The following GRIK2 variants were observed in gnomAD, a reference collection of about 807,000 sequenced individuals.
The protein encoded by GRIK2 is glutamate ionotropic receptor kainate type subunit 2.
Under a neutral mutation model 100.3 loss-of-function variants are expected in GRIK2, and 32 were observed. That is an observed-to-expected ratio of 0.32 (90% confidence interval 0.24 to 0.43). The LOEUF (loss-of-function observed/expected upper bound fraction) is 0.43. Among genes scored for constraint, GRIK2 ranks in the 20% least tolerant of loss-of-function variants. The pLI, the probability that GRIK2 is intolerant of heterozygous loss-of-function variation, is 1.00. For synonymous variants in GRIK2, 417 were observed against 389.4 expected (o/e 1.07, Z -0.83); for missense variants, 843 against 1,114.9 (o/e 0.76, Z 3.47).
chr6:101,760,657 TTTAA>T (rs1358552500), intron 7 of GRIK2, among the ~76,000 whole-genome samples: 2 of 80,316 alleles, frequency 2.5e-5, no homozygotes, highest in Non-Finnish European at 4.1e-5. Flanking sequence ...TAATTATATG[TTTAA>T]TTATATATAA....
intron 2 of GRIK2, among the ~76,000 whole-genome samples, chr6:101,589,099 G>T (rs1018381629): frequency 1.3e-5 from 2 of 152,122 alleles, no homozygotes; most frequent in Non-Finnish European, 2.9e-5. Context: ...TTCTGGCTTG[G>T]ATAGTGGAGT....
chr6:101,804,408 G>T (rs1251498240), intron 9 of GRIK2, among the ~76,000 whole-genome samples: 2 of 151,938 alleles, frequency 1.3e-5, no homozygotes, highest in Non-Finnish European at 2.9e-5. Context: ...TGGGTTACTT[G>T]GGAAGATAAT....
intron 7 of GRIK2, among the ~76,000 whole-genome samples, chr6:101,760,427 TATTTAA>T (rs1200880033): frequency 1.2e-4 from 3 of 24,830 alleles, no homozygotes; most frequent in African/African-American, 2.3e-4. Context: ...TAATTAATTA[TATTTAA>T]TTATATATTT....
chr6:101,823,869 T>TG (rs58836505), intron 10 of GRIK2, among the ~76,000 whole-genome samples: 10,410 of 150,774 alleles, frequency 0.069, 925 homozygotes, highest in African/African-American at 0.21. Context: ...TCTGTTTTTT[T>TG]TTTTTTGTTT....
chr6:101,787,572 G>C (rs1366752101), intron 7 of GRIK2, among the ~76,000 whole-genome samples: 2 of 152,090 alleles, frequency 1.3e-5, no homozygotes, highest in African/African-American at 4.8e-5. Context: ...GGTCATTCAA[G>C]AGTATGCTGT....
At chr6:101,716,899 GC>G (rs910199819) in intron 7 of GRIK2, among the ~76,000 whole-genome samples, 1 of 151,732 alleles carries the variant, frequency 6.6e-6, no homozygotes, top group Non-Finnish European at 1.5e-5. Context: ...CTCTTCCAGT[GC>G]CCATTCCTCT....
chr6:101,938,362 C>G (rs1410500080), intron 14 of GRIK2, among the ~76,000 whole-genome samples: 2 of 152,022 alleles, frequency 1.3e-5, no homozygotes, highest in African/African-American at 2.4e-5. Context: ...TACATTCTTC[C>G]CCTTAACTCC....
At chr6:102,044,128 A>AG (rs1770750948) in intron 15 of GRIK2, among the ~76,000 whole-genome samples, 1 of 152,070 alleles carries the variant, frequency 6.6e-6, no homozygotes. Context: ...AAAAATGATA[A>AG]GGATACAAAA....
chr6:101,965,794 GAGGA>G (rs1562072104), intron 14 of GRIK2, among the ~76,000 whole-genome samples: 1 of 151,998 alleles, frequency 6.6e-6, no homozygotes, highest in Non-Finnish European at 1.5e-5. Context: ...TAGGAGGTAG[GAGGA>G]AGGAAGGAAG....
At chr6:101,431,725 T>TA (rs1369417370) in intron 2 of GRIK2, among the ~76,000 whole-genome samples, 2 of 152,246 alleles carry the variant, frequency 1.3e-5, no homozygotes, top group African/African-American at 4.8e-5. Flanking sequence ...GAATATTGGT[T>TA]ATCACTTTGT....
chr6:101,720,463 ATTAAT>A (rs1283686580), intron 7 of GRIK2, among the ~76,000 whole-genome samples: 1 of 152,008 alleles, frequency 6.6e-6, no homozygotes, highest in Non-Finnish European at 1.5e-5. Flanking sequence ...CAGAATTTTG[ATTAAT>A]TTAGATTTAA....
At chr6:101,476,381 A>T (rs1772230305) in intron 2 of GRIK2, among the ~76,000 whole-genome samples, 1 of 152,132 alleles carries the variant, frequency 6.6e-6, no homozygotes, top group Non-Finnish European at 1.5e-5. Flanking sequence ...AAATGCACAT[A>T]TTCTCAAGAT....
intron 7 of GRIK2, among the ~76,000 whole-genome samples, chr6:101,708,632 A>G (rs1371613829): frequency 1.3e-5 from 2 of 151,774 alleles, no homozygotes; most frequent in Non-Finnish European, 2.9e-5. Context: ...CTTAATAAAC[A>G]ATTTTAAGAA....
At chr6:101,707,729 T>C (rs1435038500) in intron 7 of GRIK2, among the ~76,000 whole-genome samples, 3 of 150,738 alleles carry the variant, frequency 2.0e-5, no homozygotes, top group African/African-American at 7.3e-5. Flanking sequence ...TCAACTTACT[T>C]TACCTGAATT....
intron 2 of GRIK2, among the ~76,000 whole-genome samples, chr6:101,402,098 A>C (rs1481170317): frequency 6.6e-6 from 1 of 151,286 alleles, no homozygotes; most frequent in Non-Finnish European, 1.5e-5. Context: ...TCCTCCTGTC[A>C]CCTCCTGCGA....
intron 2 of GRIK2, among the ~76,000 whole-genome samples, chr6:101,530,583 A>G (rs1167443522): frequency 6.6e-6 from 1 of 151,902 alleles, no homozygotes; most frequent in Non-Finnish European, 1.5e-5. Context: ...ATCCTGGAAA[A>G]CCTTGAAGAA....
chr6:101,844,638 T>G lies in GRIK2; in HGVS notation c.1318-14649T>G, dbSNP rs80095337. On this transcript the variant is annotated intron_variant, in intron 10 of 16. Coordinates refer to ENST00000369134, the MANE Select transcript of GRIK2 (RefSeq NM_021956.5). ...TAGCATACATTTTCCATTATATGAT[T>G]GTGCTAGATGTTTACACATAATGTA... Among the ~76,000 whole-genome samples the G allele has an allele frequency of 1.1e-3, 161 of 152,344 alleles. 2 individuals carry two copies. The East Asian group carries it at 0.021, about 20-fold the overall frequency.
intron 14 of GRIK2, among the ~76,000 whole-genome samples, chr6:101,970,406 G>A (rs1349550556): frequency 1.3e-5 from 2 of 152,082 alleles, no homozygotes; most frequent in Admixed American, 6.6e-5. Flanking sequence ...CAGCTGTAGA[G>A]GTACTGCTCC....
intron 10 of GRIK2, among the ~76,000 whole-genome samples, chr6:101,827,820 T>C (rs1389153934): frequency 6.6e-6 from 1 of 151,880 alleles, no homozygotes; most frequent in African/African-American, 2.4e-5. Context: ...CTTTAACAGC[T>C]ACACGATAGT....
Sources: allele counts gnomAD v4.1 joint callset (sites outside exome capture counted in the v4.1 genomes callset), GRCh38; gene constraint gnomAD v4.1.1; transcripts MANE v1.5; gene names NCBI Gene and HGNC (gene_info 2026-07-23, HGNC 2026-07-21).